SFT2D2: variants seen among roughly 807,000 people sequenced by gnomAD.
The protein encoded by SFT2D2 is vesicle transport protein SFT2B.
In SFT2D2, 21 loss-of-function variants were observed where a neutral mutation model predicts 27.4. The ratio of observed to expected loss-of-function variants is 0.77; its 90% CI spans 0.54 to 1.10. The LOEUF (loss-of-function observed/expected upper bound fraction) is 1.10. Among genes scored for constraint, SFT2D2 ranks in the 50% least tolerant of loss-of-function variants. The probability of loss-of-function intolerance (pLI) is 0.00; values close to 1 mark genes in which losing one functional copy is unlikely to be tolerated. For missense variants in SFT2D2, 187 were observed against 194.2 expected (o/e 0.96, Z 0.22); for synonymous variants, 72 against 71.7 (o/e 1.00, Z -0.02).
At chr1:168,227,821 T>C (rs1282759777) in intron 1 of SFT2D2, among the ~76,000 whole-genome samples, 1 of 152,078 alleles carries the variant, frequency 6.6e-6, no homozygotes, top group Non-Finnish European at 1.5e-5. Flanking sequence ...TCTTGAGGGG[T>C]GGAGTGTTGA....
intron 4 of SFT2D2, among the ~76,000 whole-genome samples, chr1:168,235,926 T>A (rs1475609466): frequency 6.6e-6 from 1 of 152,250 alleles, no homozygotes; most frequent in Admixed American, 6.5e-5. Flanking sequence ...CCACATTTCC[T>A]GTTTATTTTG....
At chr1:168,241,947 GA>G in intron 7 of SFT2D2, among the ~76,000 whole-genome samples, 1 of 152,164 alleles carries the variant, frequency 6.6e-6, no homozygotes, top group Non-Finnish European at 1.5e-5. Flanking sequence ...GGTGGAAATG[GA>G]AGTGCTTGCT....
At chr1:168,227,801 C>G (rs935291173) in intron 1 of SFT2D2, among the ~76,000 whole-genome samples, 1 of 152,122 alleles carries the variant, frequency 6.6e-6, no homozygotes, top group Non-Finnish European at 1.5e-5. Flanking sequence ...CACTTTCTCT[C>G]CCTGCAGACT....
Position 168,246,430 on chromosome 1 carries a change from G to T in SFT2D2, c.*3890G>T. Reference sequence around the variant, plus strand: ...TACATTTTTTCAATGTCCTTCATTTGACACCGTTTGGTTTAGCTCTCTTTG... The same window carrying T: ...TACATTTTTTCAATGTCCTTCATTTTACACCGTTTGGTTTAGCTCTCTTTG... On this transcript the variant is annotated 3_prime_UTR_variant, in exon 8 of 8. Coordinates refer to ENST00000271375, the MANE Select transcript of SFT2D2 (RefSeq NM_199344.3). 3.9e-6 allele frequency: 4 copies of T among 1,035,548 alleles called. No individual in the cohort carries two copies. In the South Asian group the frequency reaches 4.7e-5, roughly 12 times the overall value. The allele number at this position is 1,035,548 out of a possible 1,614,324, so 64.1% of individuals were successfully genotyped here.
At chr1:168,234,097 A>G (rs988880714) in intron 3 of SFT2D2, among the ~76,000 whole-genome samples, 3 of 152,168 alleles carry the variant, frequency 2.0e-5, no homozygotes, top group African/African-American at 7.2e-5. Context: ...AAGTTCATTC[A>G]TACAGAAAGC....
rs1293845221 is a variant in SFT2D2 at position 168,251,732 on chromosome 1, A to G, written c.*9192A>G. Reference sequence around the variant, plus strand: ...TTAAAAATCTTAAGTTTTTTTTAGTAAGCTTAAGATGTCCAGTAGTTTATT... The same window carrying G: ...TTAAAAATCTTAAGTTTTTTTTAGTGAGCTTAAGATGTCCAGTAGTTTATT... On this transcript the variant is annotated 3_prime_UTR_variant, in exon 8 of 8. Coordinates refer to ENST00000271375, the MANE Select transcript of SFT2D2 (RefSeq NM_199344.3). The G allele has an allele frequency of 6.6e-6, 1 of 151,792 alleles. No homozygotes were observed. The highest frequency in any genetic ancestry group is 1.5e-5 in the Non-Finnish European group (1 of 67,968). 9.4% of individuals were successfully genotyped at this position (151,792 alleles called of 1,614,324 possible).
chr1:168,235,072 C>A, intron 3 of SFT2D2, 29 bp from the exon 4 acceptor site: 1 of 1,606,464 alleles, frequency 6.2e-7, no homozygotes, highest in Non-Finnish European at 8.5e-7. Flanking sequence ...CTGTTCTGAA[C>A]GGCTTGTGTG....
At chr1:168,233,927 A>T (rs1225444668) in intron 3 of SFT2D2, among the ~76,000 whole-genome samples, 2 of 152,230 alleles carry the variant, frequency 1.3e-5, no homozygotes, top group African/African-American at 4.8e-5. Flanking sequence ...AGGTTAAAGA[A>T]GTGTTCTCTT....
At chr1:168,229,819 G>T (rs1307860708) in intron 1 of SFT2D2, 1 of 152,110 alleles carries the variant, frequency 6.6e-6, no homozygotes, top group Non-Finnish European at 1.5e-5. Flanking sequence ...TGACTAGATT[G>T]TCTGGGGCCT....
intron 1 of SFT2D2, among the ~76,000 whole-genome samples, chr1:168,231,107 C>T (rs1487215797): frequency 6.6e-6 from 1 of 152,160 alleles, no homozygotes; most frequent in Non-Finnish European, 1.5e-5. Flanking sequence ...TGGGACCCTG[C>T]CTGGTGGAGG....
Position 168,244,239 on chromosome 1 carries a change from G to A in SFT2D2, c.*1699G>A, listed in dbSNP as rs187388360. ...GTCGCCCAGGCTGGAGTGCAGTGGCGTGATCTCTGCTCACTGCAACCTCCA... is the reference window on the plus strand; with the variant it reads ...GTCGCCCAGGCTGGAGTGCAGTGGCATGATCTCTGCTCACTGCAACCTCCA... On this transcript the variant is annotated 3_prime_UTR_variant, in exon 8 of 8. Coordinates refer to ENST00000271375, the MANE Select transcript of SFT2D2 (RefSeq NM_199344.3). 9.5e-3 allele frequency: 1,445 copies of A among 151,644 alleles called. 13 individuals carry two copies. The highest frequency in any genetic ancestry group is 0.044 in the Middle Eastern group (13 of 296). 9.4% of individuals were successfully genotyped at this position (151,644 alleles called of 1,614,324 possible). A position where few individuals can be genotyped will look rare whatever the true frequency, so the allele number is the denominator to read the frequency against.
At chr1:168,235,921 T>C (rs1647480298) in intron 4 of SFT2D2, among the ~76,000 whole-genome samples, 1 of 152,246 alleles carries the variant, frequency 6.6e-6, no homozygotes, top group Non-Finnish European at 1.5e-5. Context: ...TGTGACCACA[T>C]TTCCTGTTTA....
intron 1 of SFT2D2, among the ~76,000 whole-genome samples, chr1:168,230,921 G>A (rs1647254942): frequency 6.6e-6 from 1 of 152,152 alleles, no homozygotes; most frequent in South Asian, 2.1e-4. Flanking sequence ...GATGTAACAG[G>A]ACAGTAATTA....
At chr1:168,237,073 A>G (rs1381415062) in intron 6 of SFT2D2, among the ~76,000 whole-genome samples, 1 of 152,238 alleles carries the variant, frequency 6.6e-6, no homozygotes, top group Non-Finnish European at 1.5e-5. Flanking sequence ...TAAGCCACTC[A>G]TGTCCGGTAA....
chr1:168,234,330 G>A (rs916050884), intron 3 of SFT2D2, among the ~76,000 whole-genome samples: 1 of 151,442 alleles, frequency 6.6e-6, no homozygotes, highest in Non-Finnish European at 1.5e-5. Flanking sequence ...GGAGGTGGAG[G>A]TTGCAATGAG....
chr1:168,236,968 T>C (rs1038090832), intron 6 of SFT2D2, among the ~76,000 whole-genome samples, 198 bp downstream of exon 6: 11 of 152,214 alleles, frequency 7.2e-5, no homozygotes, highest in Non-Finnish European at 1.3e-4. Context: ...TAGATGGCAT[T>C]AGTGGTCTTG....
chr1:168,251,349 C>T lies in SFT2D2; in HGVS notation c.*8809C>T, dbSNP rs1215667070. 1 of 151,990 alleles carries T rather than the reference C, an allele frequency of 6.6e-6. No individual in the cohort carries two copies. Among genetic ancestry groups the T allele is most frequent in the Admixed American group, 6.6e-5 (1 of 15,260 alleles). 9.4% of individuals were successfully genotyped at this position (151,990 alleles called of 1,614,324 possible). ...TAAAAAAAAAAATCACTTTTTGATA[C>T]TTCTGTTAAAATAGATAATAAGGAA... On this transcript the variant is annotated 3_prime_UTR_variant, in exon 8 of 8. Coordinates refer to ENST00000271375, the MANE Select transcript of SFT2D2 (RefSeq NM_199344.3).
At chr1:168,230,124 A>G (rs1700497870) in intron 1 of SFT2D2, among the ~76,000 whole-genome samples, 1 of 152,164 alleles carries the variant, frequency 6.6e-6, no homozygotes, top group African/African-American at 2.4e-5. Context: ...GGAGCCTCTC[A>G]TCCTTCTTTT....
intron 1 of SFT2D2, among the ~76,000 whole-genome samples, chr1:168,230,391 G>A (rs971085052): frequency 6.6e-6 from 1 of 152,290 alleles, no homozygotes; most frequent in East Asian, 1.9e-4. Context: ...GGTCTCTTAC[G>A]GCAGCTGTCT....
Sources: allele counts gnomAD v4.1 joint callset (sites outside exome capture counted in the v4.1 genomes callset), GRCh38; gene constraint gnomAD v4.1.1; transcripts MANE v1.5; gene names NCBI Gene and HGNC (gene_info 2026-07-23, HGNC 2026-07-21).